CGNL1: variants seen among roughly 807,000 people sequenced by gnomAD.
CGNL1 encodes the protein cingulin-like protein 1.
A neutral mutation model predicts 141.2 loss-of-function variants in CGNL1; 132 were observed. The ratio of observed to expected loss-of-function variants is 0.93; its 90% confidence interval spans 0.81 to 1.08. The LOEUF is 1.08. Ranked by LOEUF, CGNL1 falls within the 50% of genes least tolerant of loss-of-function variation. CGNL1 has a pLI of 0.00. For missense variants in CGNL1, 1,870 were observed against 1,588.6 expected (o/e 1.18, Z -3.01); for synonymous variants, 690 against 622.1 (o/e 1.11, Z -1.63).
chr15:57,485,450 A>G (rs904840375), intron 8 of CGNL1, among the ~76,000 whole-genome samples: 1 of 152,220 alleles, frequency 6.6e-6, no homozygotes, highest in African/African-American at 2.4e-5. Flanking sequence ...CAATAGAAAT[A>G]TTGTTACTAG....
chr15:57,459,400 A>C (rs1215377518), intron 7 of CGNL1, among the ~76,000 whole-genome samples: 1 of 152,250 alleles, frequency 6.6e-6, no homozygotes, highest in African/African-American at 2.4e-5. Context: ...AATGTAAAAT[A>C]AAAAGTGTTA....
intron 17 of CGNL1, 81 bp from the exon 18 acceptor site, chr15:57,545,995 A>T: frequency 6.7e-7 from 1 of 1,484,602 alleles, no homozygotes; most frequent in Non-Finnish European, 9.1e-7. Context: ...GCCTGGGGAG[A>T]TGGTGGCTGG....
chr15:57,418,030 C>T (rs1215114854), intron 1 of CGNL1, among the ~76,000 whole-genome samples: 2 of 152,110 alleles, frequency 1.3e-5, no homozygotes, highest in African/African-American at 4.8e-5. Context: ...AAGCAGCAGT[C>T]CAAGTTGTCT....
intron 9 of CGNL1, 138 bp downstream of exon 9, chr15:57,517,124 C>T: frequency 1.2e-6 from 1 of 816,854 alleles, no homozygotes; most frequent in Non-Finnish European, 1.9e-6. Flanking sequence ...TACATCCTCT[C>T]TGCAAGCCAT....
In CGNL1 at chr15:57,459,932, G is replaced by A. The variant is rs137912434; in HGVS notation, c.2191-1748G>A. Among the ~76,000 whole-genome samples, 76 of 152,328 alleles carry A rather than the reference G, an allele frequency of 5.0e-4. 1 individual carries two copies. Among genetic ancestry groups the A allele is most frequent in the African/African-American group, 1.8e-3 (76 of 41,566 alleles). On this transcript the variant is annotated intron_variant, in intron 7 of 18. Coordinates refer to ENST00000281282, the MANE Select transcript of CGNL1 (RefSeq NM_032866.5). ...GTTCATCTAGCAGGTCTTTGAATGT[G>A]TTAGTGCAGGTTTGAACTCAGAGAA...
At chr15:57,418,445 A>G (rs1402244371) in intron 1 of CGNL1, among the ~76,000 whole-genome samples, 3 of 151,832 alleles carry the variant, frequency 2.0e-5, no homozygotes, top group African/African-American at 7.3e-5. Flanking sequence ...TTTTCATCCA[A>G]TTATCATGTC....
At chr15:57,407,961 G>C (rs7169351) in intron 1 of CGNL1, among the ~76,000 whole-genome samples, 83,935 of 151,480 alleles carry the variant, frequency 0.55, 23,452 homozygotes, top group Middle Eastern at 0.6. Flanking sequence ...GTTGGACAGG[G>C]TGGTCTTGAA....
At chr15:57,541,274 T>G (rs2032549435) in intron 14 of CGNL1, among the ~76,000 whole-genome samples, 1 of 152,222 alleles carries the variant, frequency 6.6e-6, no homozygotes, top group South Asian at 2.1e-4. Context: ...CTCAGTGAAG[T>G]GCTGGGCCCT....
intron 1 of CGNL1, among the ~76,000 whole-genome samples, chr15:57,390,773 G>A (rs2062534062): frequency 6.6e-6 from 1 of 152,116 alleles, no homozygotes; most frequent in African/African-American, 2.4e-5. Flanking sequence ...CACTGCGATG[G>A]GGCTCGTGGG....
chr15:57,509,256 G>T (rs2030003251), intron 8 of CGNL1, among the ~76,000 whole-genome samples: 1 of 152,190 alleles, frequency 6.6e-6, no homozygotes, highest in Admixed American at 6.5e-5. Context: ...GGGGTGGCCA[G>T]CGAGATGGAA....
chr15:57,403,830 A>G (rs2062685925), intron 1 of CGNL1, among the ~76,000 whole-genome samples: 1 of 152,118 alleles, frequency 6.6e-6, no homozygotes, highest in African/African-American at 2.4e-5. Context: ...TGCTCTGTAC[A>G]AGGGCTGGCT....
At chr15:57,507,303 A>C (rs2064116167) in intron 8 of CGNL1, among the ~76,000 whole-genome samples, 1 of 152,172 alleles carries the variant, frequency 6.6e-6, no homozygotes, top group African/African-American at 2.4e-5. Context: ...GTATCTCTGT[A>C]GGTTTATTGT....
chr15:57,412,281 A>G (rs1448977475), intron 1 of CGNL1, among the ~76,000 whole-genome samples: 1 of 152,190 alleles, frequency 6.6e-6, no homozygotes, highest in East Asian at 1.9e-4. Flanking sequence ...CTCAGCAGGG[A>G]GCCTTTTATC....
At chr15:57,450,933 A>G (rs1242318569) in intron 4 of CGNL1, among the ~76,000 whole-genome samples, 2 of 152,192 alleles carry the variant, frequency 1.3e-5, no homozygotes, top group East Asian at 1.9e-4. Context: ...TCCCTGCCCC[A>G]TAAAAGTTCA....
At chr15:57,435,092 G>C (rs1009880173) in intron 1 of CGNL1, among the ~76,000 whole-genome samples, 1 of 152,080 alleles carries the variant, frequency 6.6e-6, no homozygotes, top group African/African-American at 2.4e-5. Context: ...ATGTAGTTGA[G>C]GGAAAGATTT....
chr15:57,524,807 C>T (rs772419871), intron 12 of CGNL1, 56 bp downstream of exon 12: 2 of 1,555,344 alleles, frequency 1.3e-6, no homozygotes, highest in African/African-American at 2.7e-5. Flanking sequence ...TATCCTTTGC[C>T]CTGAAAGTCT....
intron 13 of CGNL1, among the ~76,000 whole-genome samples, chr15:57,530,123 G>C (rs914138448): frequency 4.6e-5 from 7 of 152,346 alleles, no homozygotes; most frequent in Middle Eastern, 3.4e-3. Flanking sequence ...TAATGGCCCT[G>C]GCCGGCACCC....
In CGNL1 at chr15:57,427,364, A is replaced by G. The variant is rs151245830; in HGVS notation, c.-15-10621A>G. The stretch of plus-strand genomic sequence containing the variant: ...CAATACAGAGTAGGTTTCTGTGGAC[A>G]AATACAGGTGCCTATCATTTATAGC... On this transcript the variant is annotated intron_variant, in intron 1 of 18. Transcript: ENST00000281282. Among the ~76,000 whole-genome samples the G allele has an allele frequency of 4.0e-3, 607 of 152,304 alleles. 6 individuals are homozygous for G. Among genetic ancestry groups the G allele is most frequent in the African/African-American group, 0.014 (574 of 41,560 alleles).
At chr15:57,410,552 G>T (rs2062775047) in intron 1 of CGNL1, among the ~76,000 whole-genome samples, 2 of 152,134 alleles carry the variant, frequency 1.3e-5, no homozygotes, top group Admixed American at 1.3e-4. Flanking sequence ...TCTCTTTCTA[G>T]GCAGGCATTT....
Sources: allele counts gnomAD v4.1 joint callset (sites outside exome capture counted in the v4.1 genomes callset), GRCh38; gene constraint gnomAD v4.1.1; transcripts MANE v1.5; gene names NCBI Gene and HGNC (gene_info 2026-07-23, HGNC 2026-07-21).